CNTLN: variants seen among roughly 807,000 people sequenced by gnomAD.
CNTLN encodes the protein centlein, centrosomal protein.
A neutral mutation model predicts 180.0 loss-of-function variants in CNTLN; 212 were observed. The ratio of observed to expected loss-of-function variants is 1.18; its 90% CI spans 1.05 to 1.32. The LOEUF (loss-of-function observed/expected upper bound fraction) is 1.32, where lower values mean the gene tolerates loss of function less well. CNTLN is among the 40% of genes most tolerant of loss of function. CNTLN has a pLI of 0.00. For synonymous variants in CNTLN, 722 were observed against 563.1 expected (o/e 1.28, Z -3.99); for missense variants, 2,095 against 1,610.9 (o/e 1.30, Z -5.14).
chr9:17,380,392 A>G (rs75952644), intron 13 of CNTLN, among the ~76,000 whole-genome samples: 1,756 of 152,288 alleles, frequency 0.012, 38 homozygotes, highest in African/African-American at 0.04. Flanking sequence ...AAGGCCCCCA[A>G]TAAAAATGCC....
intron 2 of CNTLN, among the ~76,000 whole-genome samples, chr9:17,154,366 T>C (rs958731404): frequency 6.6e-6 from 1 of 152,236 alleles, no homozygotes; most frequent in African/African-American, 2.4e-5. Flanking sequence ...TCCTTTCTGT[T>C]TGTTTCTTTT....
chr9:17,199,423 G>T (rs1028822972), intron 2 of CNTLN, among the ~76,000 whole-genome samples: 2 of 151,976 alleles, frequency 1.3e-5, no homozygotes, highest in Non-Finnish European at 2.9e-5. Flanking sequence ...GTGTTAGCCA[G>T]GATGGTCTCA....
chr9:17,196,968 G>A (rs1206494792), intron 2 of CNTLN, among the ~76,000 whole-genome samples: 43 of 152,162 alleles, frequency 2.8e-4, no homozygotes. Context: ...AAAGTGTATA[G>A]TTGTGCCCAT....
chr9:17,358,841 T>A (rs1823065772), intron 12 of CNTLN, among the ~76,000 whole-genome samples: 1 of 151,938 alleles, frequency 6.6e-6, no homozygotes, highest in African/African-American at 2.4e-5. Context: ...TAGCTAAAAT[T>A]CCAAAAAAAC....
At chr9:17,426,831 C>A (rs554314501) in intron 18 of CNTLN, among the ~76,000 whole-genome samples, 1 of 151,746 alleles carries the variant, frequency 6.6e-6, no homozygotes, top group South Asian at 2.1e-4. Context: ...TTCCTTGAAC[C>A]CTGTCTTTGG....
intron 2 of CNTLN, among the ~76,000 whole-genome samples, chr9:17,220,640 A>T (rs952197450): frequency 2.0e-5 from 3 of 152,120 alleles, no homozygotes; most frequent in African/African-American, 7.2e-5. Flanking sequence ...CTGTGCAGCC[A>T]TGGGTTCTCA....
intron 23 of CNTLN, among the ~76,000 whole-genome samples, chr9:17,467,177 T>C (rs1424735046): frequency 6.6e-6 from 1 of 151,554 alleles, no homozygotes; most frequent in Non-Finnish European, 1.5e-5. Context: ...GTTGAAAGAA[T>C]TAAGCTGTTC....
chr9:17,230,862 G>A (rs918988248), intron 3 of CNTLN, among the ~76,000 whole-genome samples: 15 of 152,068 alleles, frequency 9.9e-5, no homozygotes, highest in African/African-American at 3.6e-4. Context: ...GCATGACTGA[G>A]CCATCCTTGA....
intron 2 of CNTLN, among the ~76,000 whole-genome samples, chr9:17,198,627 C>G (rs765725830): frequency 1.6e-4 from 23 of 147,306 alleles, no homozygotes; most frequent in Admixed American, 9.7e-4. Flanking sequence ...TTCTGGGATA[C>G]ACGTGCAGAA....
rs749019439 is a variant in CNTLN at position 17,340,942 on chromosome 9, G to C, written c.1760G>C (p.Ser587Thr). Residue 587 changes from serine (S) to threonine (T), a missense_variant, in exon 11 of 26, where the codon AGT becomes ACT. Physicochemically the swap from Ser to Thr is moderately conservative, Grantham distance 58 (BLOSUM62 1). Transcript: ENST00000380647. The stretch of plus-strand genomic sequence containing the variant: ...CAATTAAAACAGTGGGAAGAAGGCA[G>C]TGGCATGTGAGTTACATAGCTCATA... ...KEQLKQWEEG[S>T]GMTEIRKIKR... The C allele has an allele frequency of 2.5e-6, 4 of 1,608,280 alleles. No individual in the cohort carries two copies. In the South Asian group the frequency reaches 3.3e-5, roughly 13 times the overall value.
chr9:17,409,205 C>G (rs1461741473), intron 15 of CNTLN, 88 bp from the exon 16 acceptor site: 2 of 1,238,276 alleles, frequency 1.6e-6, no homozygotes, highest in African/African-American at 3.0e-5. Flanking sequence ...ACAATCTATG[C>G]TAAAATATTA....
chr9:17,335,610 C>T (rs924507266), intron 10 of CNTLN, among the ~76,000 whole-genome samples: 5 of 152,060 alleles, frequency 3.3e-5, no homozygotes, highest in African/African-American at 1.2e-4. Context: ...TTTTCTATTT[C>T]CTAATGTTTC....
At chr9:17,238,345 T>TGG in intron 5 of CNTLN, among the ~76,000 whole-genome samples, 1 of 152,214 alleles carries the variant, frequency 6.6e-6, no homozygotes, top group African/African-American at 2.4e-5. Flanking sequence ...AATTTATTTT[T>TGG]GGATGTGATG....
intron 8 of CNTLN, among the ~76,000 whole-genome samples, chr9:17,327,992 G>T (rs1820415107): frequency 6.6e-6 from 1 of 152,070 alleles, no homozygotes; most frequent in East Asian, 1.9e-4. Flanking sequence ...CATGTCCATT[G>T]TAAAATCTTT....
At chr9:17,296,220 C>G (rs146213137) in intron 6 of CNTLN, among the ~76,000 whole-genome samples, 9 of 152,072 alleles carry the variant, frequency 5.9e-5, no homozygotes, top group African/African-American at 1.9e-4. Flanking sequence ...AGGCTGGTCT[C>G]GAACTCCTGA....
At position 17,340,845 on chromosome 9, in the gene CNTLN, C is replaced by A; in HGVS notation, c.1663C>A (p.Leu555Ile). 6.2e-7 allele frequency: 1 copy of A among 1,610,826 alleles called. No individual in the cohort carries two copies. Among genetic ancestry groups the A allele is most frequent in the Non-Finnish European group, 8.5e-7 (1 of 1,178,330 alleles). ...LQLKSQENDE[L>I]RDAHEKRKER... ...TCTACAGAGCCAAGAAAATGATGAG[C>A]TAAGAGATGCCCATGAAAAACGCAA... The change falls in exon 11 of 26, where the codon CTA becomes ATA. Residue 555 changes from leucine (L) to isoleucine (I), a missense_variant. Transcript: ENST00000380647.
chr9:17,148,348 G>A (rs1293038047), intron 2 of CNTLN, among the ~76,000 whole-genome samples: 1 of 152,230 alleles, frequency 6.6e-6, no homozygotes, highest in East Asian at 1.9e-4. Flanking sequence ...CCTAGAGGAA[G>A]TAAGGGGTTA....
intron 5 of CNTLN, among the ~76,000 whole-genome samples, chr9:17,259,626 G>C (rs1826794976): frequency 6.6e-6 from 1 of 151,046 alleles, no homozygotes; most frequent in East Asian, 1.9e-4. Context: ...TTGTTGGTAA[G>C]CTGTTGATTA....
At chr9:17,165,265 T>C (rs544390465) in intron 2 of CNTLN, among the ~76,000 whole-genome samples, 1 of 152,316 alleles carries the variant, frequency 6.6e-6, no homozygotes, top group East Asian at 1.9e-4. Context: ...AGTAGGAATT[T>C]AGGTTAAATG....
Sources: gnomAD v4.1 joint callset for allele counts (sites outside exome capture counted in the v4.1 genomes callset) on GRCh38, gnomAD v4.1.1 for gene constraint, MANE v1.5 for transcripts, NCBI Gene and HGNC (gene_info 2026-07-23, HGNC 2026-07-21) for gene names.